The following TUSC3 variants were observed in gnomAD, a reference collection of about 807,000 sequenced individuals.
TUSC3 encodes the protein dolichyl-diphosphooligosaccharide--protein glycosyltransferase subunit TUSC3.
A neutral mutation model predicts 44.8 loss-of-function variants in TUSC3; 45 were observed. The observed-to-expected ratio is 1.00, with a 90% CI of 0.79 to 1.29. TUSC3 has a LOEUF of 1.29. TUSC3 is among the 50% of genes most tolerant of loss of function. TUSC3 has a pLI of 0.00. For missense variants in TUSC3, 519 were observed against 437.9 expected (o/e 1.19, Z -1.65); for synonymous variants, 212 against 152.9 (o/e 1.39, Z -2.85).
intron 1 of TUSC3, among the ~76,000 whole-genome samples, chr8:15,591,673 T>G (rs1803842724): frequency 6.6e-6 from 1 of 152,194 alleles, no homozygotes; most frequent in South Asian, 2.1e-4. Flanking sequence ...CACATTTCAG[T>G]GCAGATCTGA....
chr8:15,516,531 T>A (rs1356317038), intron 2 of TUSC3, among the ~76,000 whole-genome samples: 1 of 152,182 alleles, frequency 6.6e-6, no homozygotes, highest in African/African-American at 2.4e-5. Flanking sequence ...CCTTTACCAT[T>A]GAGATTACTC....
At chr8:15,479,230 G>T (rs575401192) in intron 1 of TUSC3, among the ~76,000 whole-genome samples, 30 of 152,214 alleles carry the variant, frequency 2.0e-4, no homozygotes, top group Admixed American at 1.7e-3. Context: ...CCATTCTGTA[G>T]GTTGTCTGTT....
chr8:15,471,270 A>G (rs1800490513), intron 1 of TUSC3, among the ~76,000 whole-genome samples: 1 of 152,180 alleles, frequency 6.6e-6, no homozygotes, highest in Non-Finnish European at 1.5e-5. Context: ...AGTGGAAGTG[A>G]TTTCATCTTA....
At chr8:15,591,459 A>G (rs887581718) in intron 1 of TUSC3, among the ~76,000 whole-genome samples, 1 of 152,192 alleles carries the variant, frequency 6.6e-6, no homozygotes, top group African/African-American at 2.4e-5. Context: ...GCAACAGGCA[A>G]TGTACAAAAC....
intron 6 of TUSC3, among the ~76,000 whole-genome samples, chr8:15,719,131 A>G (rs1184385639): frequency 2.6e-5 from 4 of 152,084 alleles, no homozygotes; most frequent in African/African-American, 9.7e-5. Flanking sequence ...TGTTCTTGAC[A>G]TAGTTCATGT....
chr8:15,667,391 C>T (rs1202298722), intron 5 of TUSC3, among the ~76,000 whole-genome samples: 1 of 151,598 alleles, frequency 6.6e-6, no homozygotes, highest in African/African-American at 2.4e-5. Flanking sequence ...AAATAATTCA[C>T]TTGTGAATAG....
At chr8:15,827,238 A>G in the TUSC3 span, among the ~76,000 whole-genome samples, 1 of 152,208 alleles carries the variant, frequency 6.6e-6, no homozygotes, top group Non-Finnish European at 1.5e-5. Context: ...TCTATTAGGG[A>G]GCACTAACAT....
At chr8:15,698,653 T>C (rs981362715) in intron 6 of TUSC3, among the ~76,000 whole-genome samples, 8 of 152,164 alleles carry the variant, frequency 5.3e-5, no homozygotes, top group Admixed American at 1.3e-4. Flanking sequence ...TCTGACAATA[T>C]TAGATATTTA....
At chr8:15,705,598 G>C (rs1809583768) in intron 6 of TUSC3, among the ~76,000 whole-genome samples, 1 of 152,048 alleles carries the variant, frequency 6.6e-6, no homozygotes, top group Non-Finnish European at 1.5e-5. Context: ...AGCTTGCTCT[G>C]ATAAAAGTTT....
chr8:15,491,387 C>G (rs943902786), intron 2 of TUSC3, among the ~76,000 whole-genome samples: 3 of 152,022 alleles, frequency 2.0e-5, no homozygotes, highest in Admixed American at 1.3e-4. Context: ...TTTGTGTGAC[C>G]CAGTCCCCAG....
At chr8:15,517,133 C>T (rs1361135775) in intron 2 of TUSC3, among the ~76,000 whole-genome samples, 2 of 152,040 alleles carry the variant, frequency 1.3e-5, no homozygotes, top group African/African-American at 4.8e-5. Context: ...CAAAGTACTC[C>T]AGGGATTCTC....
chr8:15,595,027 A>G (rs1463798472), intron 1 of TUSC3, among the ~76,000 whole-genome samples: 2 of 152,142 alleles, frequency 1.3e-5, no homozygotes, highest in Non-Finnish European at 2.9e-5. Context: ...GCTCTGAAGG[A>G]CATCCTGTTT....
At chr8:15,674,067 T>C (rs1808076176) in intron 6 of TUSC3, among the ~76,000 whole-genome samples, 1 of 152,018 alleles carries the variant, frequency 6.6e-6, no homozygotes, top group Non-Finnish European at 1.5e-5. Flanking sequence ...AAAATTAATA[T>C]CTACCATATC....
At chr8:15,836,467 A>T in the TUSC3 span, among the ~76,000 whole-genome samples, 1 of 109,308 alleles carries the variant, frequency 9.1e-6, no homozygotes, top group Non-Finnish European at 2.0e-5. Flanking sequence ...ACAGAGTGAG[A>T]CTCCATCTCA....
chr8:15,845,479 G>T, the TUSC3 span, among the ~76,000 whole-genome samples: 1 of 152,138 alleles, frequency 6.6e-6, no homozygotes, highest in East Asian at 1.9e-4. Flanking sequence ...TTCCCCAAAA[G>T]ATTAACAATC....
At chr8:15,537,627 A>G (rs1432407537), upstream of TUSC3, among the ~76,000 whole-genome samples, 1 of 152,232 alleles carries the variant, frequency 6.6e-6, no homozygotes, top group Non-Finnish European at 1.5e-5. Context: ...GGGAGACAGA[A>G]AACAAATCCC....
At chr8:15,577,463 T>C (rs1229536614) in intron 1 of TUSC3, among the ~76,000 whole-genome samples, 1 of 151,616 alleles carries the variant, frequency 6.6e-6, no homozygotes, top group Non-Finnish European at 1.5e-5. Context: ...TGTTTAAATC[T>C]TTAATCCATC....
chr8:15,495,716 ATG>A (rs1248407090), intron 2 of TUSC3, among the ~76,000 whole-genome samples: 2 of 152,102 alleles, frequency 1.3e-5, no homozygotes, highest in Non-Finnish European at 2.9e-5. Context: ...TCCAGGGAAA[ATG>A]GACTCTTCCT....
Position 15,568,635 on chromosome 8 carries a change from C to CT in TUSC3, c.138+28070dup. 2.1e-5 allele frequency among the ~76,000 whole-genome samples: 3 copies of CT among 143,264 alleles called. No homozygotes were observed. In the Admixed American group the frequency reaches 2.1e-4, roughly 10 times the overall value. The allele number at this position is 143,264 out of a possible 152,430, so 94.0% of individuals were successfully genotyped here. On this transcript the variant is annotated intron_variant, in intron 1 of 10. Transcript: ENST00000503731. ...TTTTTTTTTTTCCTGTGGAGTCTTG[C>CT]TTTATCGCCTAGGCTGCAGTGCAGT...
Sources: gnomAD v4.1 joint callset for allele counts (sites outside exome capture counted in the v4.1 genomes callset) on GRCh38, gnomAD v4.1.1 for gene constraint, MANE v1.5 for transcripts, NCBI Gene and HGNC (gene_info 2026-07-23, HGNC 2026-07-21) for gene names.